Variants in FBXL17 observed in about 807,000 individuals in gnomAD.
FBXL17 encodes F-box and leucine rich repeat protein 17.
FBXL17 carries 22 observed loss-of-function variants against 66.2 expected under a neutral mutation model. The observed-to-expected ratio is 0.33, with a 90% CI of 0.24 to 0.47. The LOEUF is 0.47. Ranked by LOEUF, FBXL17 falls within the 20% of genes least tolerant of loss-of-function variation. FBXL17 has a pLI of 1.00. For synonymous variants in FBXL17, 474 were observed against 400.5 expected, an observed-to-expected ratio of 1.18 and a Z score of -2.19; for missense variants, 878 against 948.2, an observed-to-expected ratio of 0.93 and a Z score of 0.97.
intron 7 of FBXL17, among the ~76,000 whole-genome samples, chr5:107,915,910 T>G (rs11242654): frequency 0.79 from 120,770 of 152,156 alleles, 48,322 homozygotes; most frequent in African/African-American, 0.83. Flanking sequence ...AGGATGCATG[T>G]TGCCGCATCT....
intron 7 of FBXL17, among the ~76,000 whole-genome samples, chr5:107,886,654 A>T (rs1413327085): frequency 6.6e-6 from 1 of 152,202 alleles, no homozygotes; most frequent in Non-Finnish European, 1.5e-5. Context: ...CAAAGCTGGA[A>T]CAATCTGAGC....
At chr5:108,172,563 G>T (rs760397480) in intron 6 of FBXL17, among the ~76,000 whole-genome samples, 4 of 152,130 alleles carry the variant, frequency 2.6e-5, no homozygotes, top group Non-Finnish European at 5.9e-5. Flanking sequence ...AGTTCTGAAG[G>T]ACAAAAGTAG....
At chr5:108,343,035 C>T (rs1196545363) in intron 4 of FBXL17, among the ~76,000 whole-genome samples, 2 of 152,080 alleles carry the variant, frequency 1.3e-5, no homozygotes, top group African/African-American at 2.4e-5. Flanking sequence ...ACACAGGGAG[C>T]TTGTTTGCCT....
At chr5:108,277,579 A>C (rs1272528336) in intron 4 of FBXL17, among the ~76,000 whole-genome samples, 1 of 152,180 alleles carries the variant, frequency 6.6e-6, no homozygotes, top group South Asian at 2.1e-4. Context: ...ACAAACAAAC[A>C]AAAAGCCAAA....
At chr5:108,311,897 T>C (rs535938073) in intron 4 of FBXL17, among the ~76,000 whole-genome samples, 1 of 152,300 alleles carries the variant, frequency 6.6e-6, no homozygotes, top group African/African-American at 2.4e-5. Flanking sequence ...TAGGTACTTA[T>C]GTAAGAAGAG....
At chr5:108,232,801 A>AT (rs1755420488) in intron 4 of FBXL17, among the ~76,000 whole-genome samples, 1 of 131,846 alleles carries the variant, frequency 7.6e-6, no homozygotes, top group African/African-American at 2.8e-5. Context: ...ATATATATAT[A>AT]TATAATATAT....
At chr5:108,040,684 A>T (rs978000058) in intron 6 of FBXL17, among the ~76,000 whole-genome samples, 1 of 152,186 alleles carries the variant, frequency 6.6e-6, no homozygotes, top group African/African-American at 2.4e-5. Context: ...ACATATTCTT[A>T]AACTGGCTTG....
At position 107,943,615 on chromosome 5, in the gene FBXL17, C is replaced by T. The variant is rs141619354; in HGVS notation, c.1823-62436G>A. On this transcript the variant is annotated intron_variant, in intron 7 of 8. Transcript: ENST00000542267. The stretch of plus-strand genomic sequence containing the variant: ...AATCTTCCCTTCTTCAACGCATCTT[C>T]ACTCCAAGCTATCCTCTACTCCACT... Among the ~76,000 whole-genome samples, 316 of 150,638 alleles carry T rather than the reference C, an allele frequency of 2.1e-3. 2 individuals carry two copies. The highest frequency in any genetic ancestry group is 7.5e-3 in the African/African-American group (308 of 40,874).
chr5:107,965,117 T>C (rs1301060427), intron 7 of FBXL17, among the ~76,000 whole-genome samples: 1 of 152,146 alleles, frequency 6.6e-6, no homozygotes, highest in East Asian at 1.9e-4. Context: ...TGATGCACAA[T>C]GGGTAAGTAC....
chr5:108,097,180 A>ACT (rs760247602), intron 6 of FBXL17, among the ~76,000 whole-genome samples: 1 of 151,728 alleles, frequency 6.6e-6, no homozygotes, highest in African/African-American at 2.4e-5. Context: ...GTGTGTTCAC[A>ACT]CTCTCTCTCT....
intron 7 of FBXL17, among the ~76,000 whole-genome samples, chr5:108,015,946 C>A (rs1337453014): frequency 6.6e-6 from 1 of 152,126 alleles, no homozygotes; most frequent in Non-Finnish European, 1.5e-5. Flanking sequence ...GCAGGCTAGC[C>A]TGTCCTCTGG....
At chr5:108,085,370 T>TGTTG (rs548640062) in intron 6 of FBXL17, among the ~76,000 whole-genome samples, 76 of 152,328 alleles carry the variant, frequency 5.0e-4, no homozygotes, top group Admixed American at 3.4e-3. Flanking sequence ...TCACATTGTT[T>TGTTG]GTTGGTGGCC....
At chr5:108,009,264 TATATATATATATA>T (rs1754069905) in intron 7 of FBXL17, among the ~76,000 whole-genome samples, 1 of 11,122 alleles carries the variant, frequency 9.0e-5, no homozygotes, top group African/African-American at 3.5e-4. Context: ...CCCTGTTTTA[TATATATATATATA>T]TATATATATA....
intron 4 of FBXL17, among the ~76,000 whole-genome samples, chr5:108,272,335 A>G (rs1757309549): frequency 6.7e-6 from 1 of 150,128 alleles, no homozygotes; most frequent in Non-Finnish European, 1.5e-5. Context: ...AAAGAAAAGC[A>G]ACCAACAAAC....
chr5:108,278,108 C>T (rs968770638), intron 4 of FBXL17, among the ~76,000 whole-genome samples: 1 of 152,080 alleles, frequency 6.6e-6, no homozygotes, highest in African/African-American at 2.4e-5. Context: ...GGGAGTTATC[C>T]CCAGTATGGG....
chr5:107,880,041 C>CAGGCACTCCACAGG, intron 8 of FBXL17: 1 of 402,542 alleles, frequency 2.5e-6, no homozygotes, highest in Non-Finnish European at 3.4e-6. Context: ...AAGAAAACAC[C>CAGGCACTCCACAGG]TGTGGAGTGC....
At chr5:107,905,655 T>C (rs1749729300) in intron 7 of FBXL17, among the ~76,000 whole-genome samples, 1 of 152,176 alleles carries the variant, frequency 6.6e-6, no homozygotes, top group South Asian at 2.1e-4. Flanking sequence ...TCACAATGTA[T>C]GTGCTATGTG....
At chr5:108,135,884 GAAGT>G (rs1399404921) in intron 6 of FBXL17, among the ~76,000 whole-genome samples, 1 of 152,060 alleles carries the variant, frequency 6.6e-6, no homozygotes, top group Non-Finnish European at 1.5e-5. Context: ...TGGAGGCAAA[GAAGT>G]AAGTTCTAAA....
chr5:107,976,072 T>C (rs1413605218), intron 7 of FBXL17, among the ~76,000 whole-genome samples: 1 of 152,150 alleles, frequency 6.6e-6, no homozygotes, highest in African/African-American at 2.4e-5. Flanking sequence ...TTGGCCAGGA[T>C]GGTCTAGATC....
Sources: allele counts gnomAD v4.1 joint callset (sites outside exome capture counted in the v4.1 genomes callset), GRCh38; gene constraint gnomAD v4.1.1; transcripts MANE v1.5; gene names NCBI Gene and HGNC (gene_info 2026-07-23, HGNC 2026-07-21).